The following FGF14 variants were observed in gnomAD, a reference collection of about 807,000 sequenced individuals.
The protein encoded by FGF14 is fibroblast growth factor 14.
A neutral mutation model predicts 25.5 loss-of-function variants in FGF14; 5 were observed. The ratio of observed to expected loss-of-function variants is 0.20; its 90% CI spans 0.10 to 0.41. The LOEUF is 0.41. Ranked by LOEUF, FGF14 falls within the 10% of genes least tolerant of loss-of-function variation. The pLI is 1.00. For synonymous variants in FGF14, 138 were observed against 118.3 expected, an observed-to-expected ratio of 1.17 and a Z score of -1.08; for missense variants, 222 against 320.1, an observed-to-expected ratio of 0.69 and a Z score of 2.34.
chr13:102,293,100 A>G (rs2054514994), intron 1 of FGF14: 1 of 152,308 alleles, frequency 6.6e-6, no homozygotes, highest in African/African-American at 2.4e-5. Flanking sequence ...CTGTCTGTCC[A>G]TCTCTGGTAT....
At chr13:102,187,018 T>G (rs562627649) in intron 1 of FGF14, among the ~76,000 whole-genome samples, 1 of 152,194 alleles carries the variant, frequency 6.6e-6, no homozygotes, top group East Asian at 1.9e-4. Context: ...GTGGTGCACA[T>G]ATGGAGCACA....
At chr13:102,343,316 A>C (rs2057009072) in intron 1 of FGF14, among the ~76,000 whole-genome samples, 1 of 152,210 alleles carries the variant, frequency 6.6e-6, no homozygotes, top group Non-Finnish European at 1.5e-5. Flanking sequence ...GGGATTGGTC[A>C]ATCCCTGGGG....
rs935569877 is a variant in FGF14, at chr13:102,224,302, A to G, written c.208+177169T>C. On this transcript the variant is annotated intron_variant, in intron 1 of 4. Coordinates refer to the FGF14 transcript ENST00000376131. Reference sequence around the variant, plus strand: ...TGCAAAGAAACACCAGATTAAAGGAATTTTTAGTGTAAAAATTAGTAATAA... The same window carrying G: ...TGCAAAGAAACACCAGATTAAAGGAGTTTTTAGTGTAAAAATTAGTAATAA... Among the ~76,000 whole-genome samples, 7 of 152,280 alleles carry G rather than the reference A, an allele frequency of 4.6e-5. 2 individuals carry two copies.
At chr13:102,004,961 C>T (rs61966483) in intron 1 of FGF14, among the ~76,000 whole-genome samples, 2,452 of 152,264 alleles carry the variant, frequency 0.016, 31 homozygotes, top group Middle Eastern at 0.048. Context: ...GTTAATTAAA[C>T]CTCTTTCCTT....
chr13:101,981,653 C>A (rs1005364415), intron 1 of FGF14, among the ~76,000 whole-genome samples: 29 of 151,506 alleles, frequency 1.9e-4, no homozygotes, highest in Admixed American at 3.9e-4. Flanking sequence ...TAAAAAACAA[C>A]AACAACAACA....
At chr13:102,154,435 G>C (rs111933212) in intron 1 of FGF14, among the ~76,000 whole-genome samples, 8,410 of 151,840 alleles carry the variant, frequency 0.055, 271 homozygotes, top group Middle Eastern at 0.17. Context: ...AAGTGAAGGA[G>C]AAATAAAATA....
At chr13:102,192,520 T>G (rs2140832733) in intron 1 of FGF14, among the ~76,000 whole-genome samples, 1 of 152,284 alleles carries the variant, frequency 6.6e-6, no homozygotes, top group East Asian at 1.9e-4. Flanking sequence ...TCCTTTATGC[T>G]TAACAATTTC....
At chr13:102,250,397 C>G (rs1156750802) in intron 1 of FGF14, among the ~76,000 whole-genome samples, 1 of 152,250 alleles carries the variant, frequency 6.6e-6, no homozygotes, top group East Asian at 1.9e-4. Flanking sequence ...GGAATTAAGT[C>G]TGTTTTTATA....
intron 1 of FGF14, among the ~76,000 whole-genome samples, chr13:102,291,742 C>T (rs976664344): frequency 2.0e-5 from 3 of 151,894 alleles, no homozygotes; most frequent in Non-Finnish European, 4.4e-5. Context: ...AGCTCAGAGC[C>T]CAGCAGCTAC....
chr13:102,097,476 T>G (rs544622572), intron 1 of FGF14, among the ~76,000 whole-genome samples: 1 of 152,306 alleles, frequency 6.6e-6, no homozygotes, highest in Admixed American at 6.5e-5. Flanking sequence ...TCAGACATAT[T>G]TATCACCTTC....
intron 1 of FGF14, among the ~76,000 whole-genome samples, chr13:102,026,358 T>A (rs2040927195): frequency 6.6e-6 from 1 of 151,876 alleles, no homozygotes; most frequent in Non-Finnish European, 1.5e-5. Context: ...TTCATTAAAA[T>A]TTTTTTCATT....
chr13:101,987,115 C>G (rs2038629471), intron 1 of FGF14, among the ~76,000 whole-genome samples: 1 of 152,140 alleles, frequency 6.6e-6, no homozygotes, highest in African/African-American at 2.4e-5. Flanking sequence ...CCTTATTCCA[C>G]TCTTTCCACC....
At chr13:101,913,422 T>A (rs1033229325) in intron 1 of FGF14, among the ~76,000 whole-genome samples, 1 of 152,124 alleles carries the variant, frequency 6.6e-6, no homozygotes, top group African/African-American at 2.4e-5. Flanking sequence ...GTAGGGGTGA[T>A]GGAGATAGGA....
chr13:102,008,587 A>C (rs904385890), intron 1 of FGF14, among the ~76,000 whole-genome samples: 1 of 152,158 alleles, frequency 6.6e-6, no homozygotes, highest in African/African-American at 2.4e-5. Context: ...TGGGTCACAC[A>C]TTTGGATAAT....
chr13:102,146,710 T>TA (rs1363233778), intron 1 of FGF14, among the ~76,000 whole-genome samples: 2 of 152,066 alleles, frequency 1.3e-5, no homozygotes, highest in Non-Finnish European at 2.9e-5. Flanking sequence ...TTAGATAATA[T>TA]AAAAATCCTC....
intron 1 of FGF14, among the ~76,000 whole-genome samples, chr13:102,337,245 C>T (rs2056814333): frequency 6.6e-6 from 1 of 152,148 alleles, no homozygotes; most frequent in Admixed American, 6.6e-5. Context: ...GTCAAGATGT[C>T]CACATTAACT....
intron 1 of FGF14, among the ~76,000 whole-genome samples, chr13:102,158,701 G>T (rs1371998643): frequency 2.0e-5 from 3 of 151,918 alleles, no homozygotes; most frequent in African/African-American, 7.3e-5. Context: ...TGATCCAATG[G>T]CTTCATTTTG....
At chr13:102,233,341 G>A (rs1374310706) in intron 1 of FGF14, among the ~76,000 whole-genome samples, 1 of 152,042 alleles carries the variant, frequency 6.6e-6, no homozygotes, top group Non-Finnish European at 1.5e-5. Context: ...ATGTTGGCCA[G>A]GCTGTTTTCG....
intron 1 of FGF14, among the ~76,000 whole-genome samples, chr13:102,073,347 T>C (rs1011995117): frequency 6.6e-6 from 1 of 152,228 alleles, no homozygotes; most frequent in Non-Finnish European, 1.5e-5. Context: ...TCCCTCCCCA[T>C]GCACGCCTAT....
Sources: allele counts gnomAD v4.1 joint callset (sites outside exome capture counted in the v4.1 genomes callset), GRCh38; gene constraint gnomAD v4.1.1; transcripts MANE v1.5; gene names NCBI Gene and HGNC (gene_info 2026-07-23, HGNC 2026-07-21).